Variants in RUFY3 observed in about 807,000 individuals in gnomAD.
The protein encoded by RUFY3 is RUN and FYVE domain containing 3, also known as protein RUFY3.
A neutral mutation model predicts 84.0 loss-of-function variants in RUFY3; 34 were observed. The ratio of observed to expected loss-of-function variants is 0.40; its 90% CI spans 0.31 to 0.54. The LOEUF is 0.54. Ranked by LOEUF, RUFY3 falls within the 20% of genes least tolerant of loss-of-function variation. The probability of loss-of-function intolerance (pLI) is 0.39; values close to 1 mark genes in which losing one functional copy is unlikely to be tolerated. For missense variants in RUFY3, 507 were observed against 736.8 expected, an observed-to-expected ratio of 0.69 and a Z score of 3.61; for synonymous variants, 242 against 252.9, an observed-to-expected ratio of 0.96 and a Z score of 0.41.
chr4:70,756,025 A>G (rs1037739595), intron 1 of RUFY3, among the ~76,000 whole-genome samples: 1 of 151,814 alleles, frequency 6.6e-6, no homozygotes, highest in Admixed American at 6.6e-5. Flanking sequence ...AACTATAGTC[A>G]CTTCCACATG....
Position 70,722,668 on chromosome 4 carries a change from G to T in RUFY3, c.95G>T (p.Arg32Leu). Residue 32 changes from arginine (R) to leucine (L), a missense_variant, in exon 1 of 18, where the codon CGA becomes CTA. This residue lies in a region of RUFY3 where 133 missense variants were observed against 301.1 expected (regional missense o/e 0.44). Coordinates refer to ENST00000381006, the MANE Select transcript of RUFY3 (RefSeq NM_001037442.4). Reference sequence around the variant, plus strand: ...GAGACCATCTACCTTTGCAAATTCCGAGTGTCCATGGATGGAGAATGGCTC... The same window carrying T: ...GAGACCATCTACCTTTGCAAATTCCTAGTGTCCATGGATGGAGAATGGCTC... ...AMETIYLCKFRVSMDGEWLCL... is the reference protein window; with the variant it reads ...AMETIYLCKFLVSMDGEWLCL... 1 of 1,614,052 alleles carries T rather than the reference G, an allele frequency of 6.2e-7. No individual in the cohort carries two copies. The highest frequency in any genetic ancestry group is 8.5e-7 in the Non-Finnish European group (1 of 1,180,012).
intron 1 of RUFY3, among the ~76,000 whole-genome samples, chr4:70,758,449 A>G (rs116452268): frequency 0.012 from 1,852 of 152,248 alleles, 29 homozygotes; most frequent in African/African-American, 0.042. Context: ...TGAGCAACAT[A>G]GCAAGACTAA....
At chr4:70,792,690 TA>T in intron 12 of RUFY3, 2 of 985,068 alleles carry the variant, frequency 2.0e-6, no homozygotes, top group Admixed American at 1.2e-4. Context: ...TAAAATTCTT[TA>T]TCTTTTTCTT....
At chr4:70,717,873 ATTTTTTT>A (rs1165078654), upstream of RUFY3, among the ~76,000 whole-genome samples, 8 of 82,370 alleles carry the variant, frequency 9.7e-5, no homozygotes, top group Non-Finnish European at 1.4e-4. Flanking sequence ...TTGACATGGT[ATTTTTTT>A]TTTTTTTTTT....
intron 6 of RUFY3, among the ~76,000 whole-genome samples, chr4:70,774,009 C>A (rs1245479566): frequency 6.6e-6 from 1 of 152,122 alleles, no homozygotes; most frequent in South Asian, 2.1e-4. Context: ...TGCGTTTATA[C>A]CTCTTCTTGT....
At chr4:70,721,398 G>C (rs1248972524), upstream of RUFY3, among the ~76,000 whole-genome samples, 1 of 150,976 alleles carries the variant, frequency 6.6e-6, no homozygotes, top group Non-Finnish European at 1.5e-5. Flanking sequence ...AATTGGGAAA[G>C]ATTTTACTTT....
chr4:70,731,385 T>C (rs1325364240), intron 1 of RUFY3, among the ~76,000 whole-genome samples: 1 of 152,132 alleles, frequency 6.6e-6, no homozygotes, highest in East Asian at 1.9e-4. Context: ...TGTCCACATG[T>C]TTTCTTTTTC....
At chr4:70,769,277 A>G (rs1726537090) in intron 5 of RUFY3, among the ~76,000 whole-genome samples, 1 of 152,114 alleles carries the variant, frequency 6.6e-6, no homozygotes, top group Admixed American at 6.6e-5. Flanking sequence ...AGTTAGCCAT[A>G]ATTGTGCATT....
chr4:70,736,787 G>A (rs1720383780), intron 1 of RUFY3, among the ~76,000 whole-genome samples: 1 of 152,128 alleles, frequency 6.6e-6, no homozygotes, highest in African/African-American at 2.4e-5. Flanking sequence ...GGCCAGGCTA[G>A]TCTCAAACTC....
exon 1 of RUFY3, chr4:70,705,267 G>GGCGGCA: frequency 6.9e-7 from 1 of 1,439,504 alleles, no homozygotes. Context: ...GAGCGGCGGC[G>GGCGGCA]GCGGCAGCAG....
chr4:70,715,424 AAAAAC>A (rs1179305512), intron 1 of RUFY3, among the ~76,000 whole-genome samples: 3 of 151,794 alleles, frequency 2.0e-5, no homozygotes, highest in Non-Finnish European at 4.4e-5. Flanking sequence ...TCTCTACTAA[AAAAAC>A]AAAAGTTAGC....
chr4:70,783,245 G>T, intron 9 of RUFY3, 62 bp downstream of exon 9: 1 of 1,057,068 alleles, frequency 9.5e-7, no homozygotes, highest in South Asian at 1.3e-5. Context: ...AGTGGTAAAG[G>T]GGAGTCTCTA....
chr4:70,773,185 T>C (rs1396719352), intron 5 of RUFY3, among the ~76,000 whole-genome samples: 6 of 152,142 alleles, frequency 3.9e-5, no homozygotes, highest in African/African-American at 1.4e-4. Context: ...AAAAAGTTAT[T>C]TCTAAAAATG....
chr4:70,780,418 C>A (rs574566368), intron 8 of RUFY3, among the ~76,000 whole-genome samples: 1 of 152,210 alleles, frequency 6.6e-6, no homozygotes, highest in South Asian at 2.1e-4. Context: ...CCTCAGCCTC[C>A]GAGTAGCCGG....
At chr4:70,734,651 A>T (rs1237454747) in intron 1 of RUFY3, 1 of 743,632 alleles carries the variant, frequency 1.3e-6, no homozygotes, top group African/African-American at 1.9e-5. Flanking sequence ...TGGGTGAGAA[A>T]TATCAGTAGC....
chr4:70,730,613 C>G (rs964633680), intron 1 of RUFY3, among the ~76,000 whole-genome samples: 1 of 150,864 alleles, frequency 6.6e-6, no homozygotes, highest in African/African-American at 2.5e-5. Context: ...GTGGCAGGTG[C>G]CTGTAATCCC....
intron 12 of RUFY3, chr4:70,791,560 C>G (rs756145314): frequency 1.3e-4 from 163 of 1,275,958 alleles, no homozygotes; most frequent in Non-Finnish European, 1.6e-4. Context: ...TCTGAGTTGA[C>G]CAATAAATAA....
upstream of RUFY3, among the ~76,000 whole-genome samples, chr4:70,718,590 G>C (rs1188884783): frequency 6.6e-6 from 1 of 151,978 alleles, no homozygotes; most frequent in African/African-American, 2.4e-5. Context: ...AGCTCATACA[G>C]TAATTACTCT....
chr4:70,774,644 A>AAAAAATATATATAT (rs1553916771), intron 6 of RUFY3, among the ~76,000 whole-genome samples: 3 of 56,676 alleles, frequency 5.3e-5, no homozygotes, highest in East Asian at 6.4e-4. Context: ...AAAAAAAAAA[A>AAAAAATATATATAT]ATATATATAT....
Sources: gnomAD v4.1 joint callset for allele counts (sites outside exome capture counted in the v4.1 genomes callset) on GRCh38, gnomAD v4.1.1 for gene constraint, gnomAD v4.1.1 regional missense constraint, MANE v1.5 for transcripts, NCBI Gene and HGNC (gene_info 2026-07-23, HGNC 2026-07-21) for gene names.